Variants in TNRC18 observed in about 807,000 individuals in gnomAD.
The protein encoded by TNRC18 is trinucleotide repeat-containing gene 18 protein.
A neutral mutation model predicts 226.7 loss-of-function variants in TNRC18; 69 were observed. The ratio of observed to expected loss-of-function variants is 0.30; its 90% CI spans 0.25 to 0.37. The LOEUF is 0.37. TNRC18 is among the 10% of genes least tolerant of loss of function. The pLI, the probability that TNRC18 is intolerant of heterozygous loss-of-function variation, is 1.00. For missense variants in TNRC18, 4,754 were observed against 4,256.6 expected, an observed-to-expected ratio of 1.12 and a Z score of -3.25; for synonymous variants, 2,449 against 1,927.6, an observed-to-expected ratio of 1.27 and a Z score of -7.09.
chr7:5,376,967 C>T lies in TNRC18; in HGVS notation c.2488G>A (p.Gly830Ser). ...YGLGPPSLHQ[G>S]MAPAFPPGLG... is the part of the protein sequence containing the mutation. ...CCAGGTGGGAACGCAGGGGCCATGC[C>T]CTGGTGCAGAGATGGGGGACCCAAG... The change falls in exon 8 of 30, where the codon GGC becomes AGC. Residue 830 changes from glycine (G) to serine (S), a missense_variant. Gly to Ser is a moderately conservative substitution (Grantham distance 56, BLOSUM62 0). Coordinates refer to ENST00000430969, the MANE Select transcript of TNRC18 (RefSeq NM_001080495.3). 1 of 1,586,584 alleles carries T rather than the reference C, an allele frequency of 6.3e-7. No homozygotes were observed. The highest frequency in any genetic ancestry group is 8.6e-7 in the Non-Finnish European group (1 of 1,166,822).
Position 5,312,980 on chromosome 7 carries a change from AGAG to A in TNRC18, c.7908_7910del (p.Ser2671del), listed in dbSNP as rs748821317. ...ACGAAGAGGAAGAGGAGGAGGAGGA[AGAG>A]GAGGAGGAGGAAGAGGAGGATGAGG... is the stretch of plus-strand genomic sequence containing the variant. On this transcript the variant is annotated inframe_deletion, in exon 27 of 30. Transcript: ENST00000430969. The surrounding 1 kb of genome is among the most constrained non-coding windows in gnomAD (Gnocchi z 6.3). 196 of 948,756 alleles carry A rather than the reference AGAG, an allele frequency of 2.1e-4. No individual in the cohort carries two copies. The highest frequency in any genetic ancestry group is 3.2e-4 in the Middle Eastern group (1 of 3,158). The allele number at this position is 948,756 out of a possible 1,614,324, so 58.8% of individuals were successfully genotyped here.
intron 5 of TNRC18, 37 bp from the exon 6 acceptor site, chr7:5,378,061 C>A: frequency 6.4e-7 from 1 of 1,572,762 alleles, no homozygotes; most frequent in South Asian, 1.1e-5. Flanking sequence ...CCCCAGCCAG[C>A]ACCGAGCCCA....
rs371516144 is a variant in TNRC18 at position 5,376,148 on chromosome 7, G to A, written c.2685C>T (p.His895=). ...GTGAGAAGAGCTGCAGCTGCTGGGC[G>A]TGGTGCAGGGGGCTGCGGCCCGGCG... ...LYPPGRSPLH[H]AQQLQLFSQQ... is the part of the protein sequence containing the mutation. The change falls in exon 9 of 30, where the codon CAC becomes CAT. Residue 895 remains histidine, a synonymous_variant. Transcript: ENST00000430969. 96 of 1,586,606 alleles carry A rather than the reference G, an allele frequency of 6.1e-5. No homozygotes were observed. The African/African-American group carries it at 7.8e-4, about 13-fold the overall frequency.
rs370953047 is a variant in TNRC18, at chr7:5,352,092, T to C, written c.5197A>G (p.Thr1733Ala). The C allele has an allele frequency of 1.4e-5, 22 of 1,599,162 alleles. No homozygotes were observed. Among genetic ancestry groups the C allele is most frequent in the Non-Finnish European group, 1.9e-5 (22 of 1,172,254 alleles). ...ASEVSSYSYN[T>A]DSEEDEEFLK... ...AATTCTTCGTCTTCCTCTGAGTCCG[T>C]ATCTGCAGTCAAAGTAGTTTTTAAT... Residue 1733 changes from threonine to alanine, a missense_variant and splice_region_variant, in exon 17 of 30, where the codon ACG becomes GCG. Thr to Ala is a moderately conservative substitution (Grantham distance 58). Coordinates refer to ENST00000430969, the MANE Select transcript of TNRC18 (RefSeq NM_001080495.3).
intron 17 of TNRC18, among the ~76,000 whole-genome samples, chr7:5,349,539 G>A (rs1000949630): frequency 2.6e-5 from 4 of 152,214 alleles, no homozygotes; most frequent in Non-Finnish European, 5.9e-5. Flanking sequence ...CAGACCCGGT[G>A]GGGGCGAACC....
chr7:5,388,867 C>CCGCAGCAGCCGCGCG lies in TNRC18; in HGVS notation c.942_956dup (p.Ala315_Arg319dup), dbSNP rs1780039908. 1 of 1,289,294 alleles carries CCGCAGCAGCCGCGCG rather than the reference C, an allele frequency of 7.8e-7. No individual in the cohort carries two copies. The highest frequency in any genetic ancestry group is 4.2e-5 in the East Asian group (1 of 23,602). 79.9% of individuals were successfully genotyped at this position (1,289,294 alleles called of 1,614,324 possible). A position where few individuals can be genotyped will look rare whatever the true frequency, so the allele number is the denominator to read the frequency against. On this transcript the variant is annotated inframe_insertion, in exon 5 of 30. Transcript: ENST00000430969. ...GCCCAGGGAGCAGGGTCTCCGTGCG[C>CCGCAGCAGCCGCGCG]CGCAGCAGCCGCGCGCCCTCGTCCT...
intron 2 of TNRC18, among the ~76,000 whole-genome samples, chr7:5,413,362 TCTC>T (rs1050351227): frequency 6.6e-6 from 1 of 151,654 alleles, no homozygotes; most frequent in African/African-American, 2.4e-5. Flanking sequence ...GCCATTGAGT[TCTC>T]CTCCCTCCTT....
intron 17 of TNRC18, among the ~76,000 whole-genome samples, chr7:5,346,163 C>T (rs1433236476): frequency 3.3e-5 from 5 of 152,254 alleles, no homozygotes; most frequent in South Asian, 2.1e-4. Context: ...CACGCGCACA[C>T]GCCCCAACAC....
chr7:5,387,627 G>C (rs753136243), intron 5 of TNRC18, 45 bp downstream of exon 5: 2 of 1,595,832 alleles, frequency 1.3e-6, no homozygotes, highest in Admixed American at 1.7e-5. Flanking sequence ...AAACGGCAGA[G>C]AGACCCAAGA....
intron 5 of TNRC18, among the ~76,000 whole-genome samples, chr7:5,384,254 C>A (rs1396280356): frequency 2.6e-5 from 4 of 152,134 alleles, no homozygotes; most frequent in African/African-American, 7.2e-5. Flanking sequence ...AGGCGTGAGC[C>A]ACCACGCCCA....
At chr7:5,354,306 C>T (rs189718310) in intron 16 of TNRC18, among the ~76,000 whole-genome samples, 374 of 152,232 alleles carry the variant, frequency 2.5e-3, no homozygotes, top group Middle Eastern at 0.02. Context: ...CCAGAGACAT[C>T]AGAGACAGAG....
In TNRC18 at chr7:5,361,715, G is replaced by A. The variant is rs200580580; in HGVS notation, c.4540C>T (p.Arg1514Cys). Reference protein sequence around the residue: ...LQRRRDSEDRREEPHRSLARR... With the variant: ...LQRRRDSEDRCEEPHRSLARR... ...GCCAAGCTTCTATGGGGTTCCTCGC[G>A]CCTGTCCCTTAAAAAGAATCACACG... The change falls in exon 14 of 30, where the codon CGC (arginine) becomes TGC (cysteine). Residue 1514 changes from arginine to cysteine, a missense_variant. Transcript: ENST00000430969. 475 of 1,565,306 alleles carry A rather than the reference G, an allele frequency of 3.0e-4. 1 individual carries two copies. In the African/African-American group the frequency reaches 5.1e-3, roughly 17 times the overall value.
At chr7:5,389,461 G>GTTTT in intron 4 of TNRC18, 125 bp from the exon 5 acceptor site, 1 of 564,674 alleles carries the variant, frequency 1.8e-6, no homozygotes, top group African/African-American at 2.8e-5. Flanking sequence ...TTTGGTTTTG[G>GTTTT]TTTTTTTTTT....
chr7:5,339,022 G>A (rs1265903549), intron 18 of TNRC18, among the ~76,000 whole-genome samples: 1 of 151,270 alleles, frequency 6.6e-6, no homozygotes, highest in Non-Finnish European at 1.5e-5. Context: ...ACAAGGCCAG[G>A]CACAATGGCT....
chr7:5,346,857 G>C (rs1043557776), intron 17 of TNRC18, among the ~76,000 whole-genome samples: 1 of 152,180 alleles, frequency 6.6e-6, no homozygotes, highest in African/African-American at 2.4e-5. Flanking sequence ...AAAGACAATC[G>C]AACAGAAACA....
At position 5,308,149 on chromosome 7, in the gene TNRC18, G is replaced by A. The variant is rs779435174; in HGVS notation, c.8864C>T (p.Thr2955Met). ...GCCGTCCGTGGAGAAGATCATGCCC[G>A]TGGTGGGCTCGTAGGTGCCCGCGAG... ...YYLAGTYEPT[T>M]GMIFSTDGVP... Residue 2955 changes from threonine to methionine, a missense_variant, in exon 30 of 30, where the codon ACG (threonine) becomes ATG (methionine). Thr to Met is a moderately conservative substitution (Grantham distance 81, BLOSUM62 -1). Coordinates refer to ENST00000430969, the MANE Select transcript of TNRC18 (RefSeq NM_001080495.3). The A allele has an allele frequency of 1.4e-5, 22 of 1,568,000 alleles. No individual in the cohort carries two copies. Among genetic ancestry groups the A allele is most frequent in the Non-Finnish European group, 1.8e-5 (21 of 1,157,484 alleles).
intron 2 of TNRC18, among the ~76,000 whole-genome samples, chr7:5,415,475 C>A (rs1782124125): frequency 1.4e-5 from 2 of 142,858 alleles, no homozygotes; most frequent in Middle Eastern, 3.8e-3. Flanking sequence ...CTCCCGTGTT[C>A]AAGTGATTCT....
intron 15 of TNRC18, among the ~76,000 whole-genome samples, chr7:5,357,595 G>A (rs1481865671): frequency 1.3e-5 from 2 of 152,084 alleles, no homozygotes; most frequent in African/African-American, 4.8e-5. Flanking sequence ...TGACCCTCCC[G>A]CCTCAGCTTT....
intron 18 of TNRC18, among the ~76,000 whole-genome samples, chr7:5,337,633 A>G (rs1245282662): frequency 6.6e-6 from 1 of 152,184 alleles, no homozygotes; most frequent in African/African-American, 2.4e-5. Flanking sequence ...CTGAATAAAT[A>G]CAAAAGACTT....
Sources: gnomAD v4.1 joint callset for allele counts (sites outside exome capture counted in the v4.1 genomes callset) on GRCh38, gnomAD v4.1.1 for gene constraint, Gnocchi (gnomAD v3.1) non-coding constraint, MANE v1.5 for transcripts, NCBI Gene and HGNC (gene_info 2026-07-23, HGNC 2026-07-21) for gene names.